AMOT: variants seen among roughly 807,000 people sequenced by gnomAD.
AMOT encodes the protein angiomotin.
In AMOT, 11 loss-of-function variants were observed where a neutral mutation model predicts 67.0. The ratio of observed to expected loss-of-function variants is 0.16; its 90% CI spans 0.10 to 0.27. The LOEUF is 0.27. Ranked by LOEUF, AMOT falls within the 10% of genes least tolerant of loss-of-function variation. AMOT has a pLI of 1.00. For synonymous variants in AMOT, 326 were observed against 321.4 expected (o/e 1.01, Z -0.15); for missense variants, 753 against 852.0 (o/e 0.88, Z 1.45).
chrX:112,812,199 C>T (rs945891848), intron 5 of AMOT, among the ~76,000 whole-genome samples: 3 of 111,697 alleles, frequency 2.7e-5, no homozygotes, highest in African/African-American at 3.3e-5. Flanking sequence ...ATCCTGAAAG[C>T]TGGGTCAGAT....
intron 4 of AMOT, among the ~76,000 whole-genome samples, chrX:112,821,300 G>A (rs1288363224): frequency 9.0e-6 from 1 of 111,378 alleles, no homozygotes; most frequent in East Asian, 2.8e-4. Flanking sequence ...ATTACTCATG[G>A]CCATGAGGCA....
chrX:112,822,138 T>G (rs1934730889), intron 4 of AMOT, 117 bp downstream of exon 4: 1 of 932,429 alleles, frequency 1.1e-6, no homozygotes, highest in African/African-American at 2.0e-5. Flanking sequence ...AGGCCTGTCA[T>G]GCATTGCAGA....
intron 8 of AMOT, 46 bp downstream of exon 8, chrX:112,804,901 C>A: frequency 1.1e-6 from 1 of 920,029 alleles, no homozygotes; most frequent in Non-Finnish European, 1.5e-6. Flanking sequence ...CCCGATTTCC[C>A]AGCCCTCCCA....
chrX:112,817,937 C>T (rs1471711388), intron 4 of AMOT, among the ~76,000 whole-genome samples: 2 of 111,331 alleles, frequency 1.8e-5, no homozygotes, highest in African/African-American at 6.5e-5. Flanking sequence ...AGACTAAGTG[C>T]TCTTTTTTCT....
At chrX:112,803,517 A>G (rs7881904) in intron 8 of AMOT, among the ~76,000 whole-genome samples, 3,058 of 112,296 alleles carry the variant, frequency 0.027, 123 homozygotes, top group African/African-American at 0.092. Context: ...GCATAGTTCT[A>G]ATATAGACAA....
Position 112,811,269 on chromosome X carries a change from T to G in AMOT, c.1517A>C (p.Asp506Ala). 1 of 1,210,820 alleles carries G rather than the reference T, an allele frequency of 8.3e-7. No individual in the cohort carries two copies. The highest frequency in any genetic ancestry group is 1.7e-5 in the African/African-American group (1 of 57,641). Residue 506 changes from aspartate (D) to alanine (A), a missense_variant, in exon 6 of 14, where the codon GAT (aspartate) becomes GCT (alanine). By Grantham distance (126) the Asp-to-Ala change is moderately radical. Coordinates refer to ENST00000371959, the MANE Select transcript of AMOT (RefSeq NM_001113490.2). ...CTCACCTCTCAGATCCCTGTTGAAA[T>G]CATGCATCCTCCGAATCTCGCCCTC... ...KLEGEIRRMH[D>A]FNRDLRERLE...
intron 6 of AMOT, among the ~76,000 whole-genome samples, chrX:112,810,592 G>A (rs781042014): frequency 4.3e-4 from 48 of 110,349 alleles, no homozygotes; most frequent in Admixed American, 6.8e-4. Context: ...GGTAATCCCA[G>A]CCAGCTACTC....
At chrX:112,829,273 C>A (rs759765234) in intron 2 of AMOT, among the ~76,000 whole-genome samples, 44 of 111,463 alleles carry the variant, frequency 3.9e-4, no homozygotes, top group African/African-American at 1.4e-3. Flanking sequence ...ATCATGGGGG[C>A]AGATCTTCTT....
chrX:112,829,657 T>C (rs938993223), intron 2 of AMOT, among the ~76,000 whole-genome samples: 1 of 112,635 alleles, frequency 8.9e-6, no homozygotes, highest in African/African-American at 3.2e-5. Flanking sequence ...GGCCTTGGCA[T>C]TTCCAAATCT....
intron 10 of AMOT, among the ~76,000 whole-genome samples, chrX:112,785,336 C>A: frequency 8.9e-6 from 1 of 111,927 alleles, no homozygotes; most frequent in South Asian, 3.8e-4. Context: ...TAGCATGTCA[C>A]CAATAAACTC....
At chrX:112,831,418 C>T (rs762545118) in intron 2 of AMOT, among the ~76,000 whole-genome samples, 1 of 107,669 alleles carries the variant, frequency 9.3e-6, no homozygotes, top group Admixed American at 1.0e-4. Context: ...TGTAGCCAGA[C>T]ATTGTGCTAG....
At chrX:112,783,453 CAACA>C (rs1933266453) in intron 10 of AMOT, among the ~76,000 whole-genome samples, 1 of 111,024 alleles carries the variant, frequency 9.0e-6, no homozygotes, top group South Asian at 3.8e-4. Flanking sequence ...TAGAAGCAAA[CAACA>C]GACACATCAG....
At chrX:112,816,136 C>A (rs1934551847) in intron 4 of AMOT, among the ~76,000 whole-genome samples, 1 of 111,920 alleles carries the variant, frequency 8.9e-6, no homozygotes, top group Non-Finnish European at 1.9e-5. Flanking sequence ...AACCAGACAA[C>A]TTCCATGGTC....
chrX:112,840,181 C>T (rs1314705717), intron 1 of AMOT, among the ~76,000 whole-genome samples: 4 of 111,151 alleles, frequency 3.6e-5, no homozygotes, highest in African/African-American at 1.3e-4. Flanking sequence ...CCCACAAGAA[C>T]CCCAGGAGGT....
Position 112,795,569 on chromosome X carries a change from A to C in AMOT, c.1777-3588T>G, listed in dbSNP as rs374137908. ...TACAATGGCAGAGTCGAACAGCTGA[A>C]GTTGCAACTGAAACTGCATGGCCCA... On this transcript the variant is annotated intron_variant, in intron 8 of 13. Transcript: ENST00000371959. Among the ~76,000 whole-genome samples the C allele has an allele frequency of 3.6e-5, 4 of 111,104 alleles. No homozygotes were observed. The East Asian group carries it at 8.5e-4, about 24-fold the overall frequency.
At chrX:112,791,143 T>C (rs1487159888) in intron 9 of AMOT, among the ~76,000 whole-genome samples, 1 of 108,802 alleles carries the variant, frequency 9.2e-6, no homozygotes, top group Non-Finnish European at 1.9e-5. Context: ...ACTTTGGGAG[T>C]CTGAGGCAGG....
chrX:112,811,264 T>C lies in AMOT; in HGVS notation c.1522A>G (p.Asn508Asp), dbSNP rs889651214. Residue 508 changes from asparagine to aspartate, a missense_variant, in exon 6 of 14, where the codon AAC (asparagine) becomes GAC (aspartate). Coordinates refer to ENST00000371959, the MANE Select transcript of AMOT (RefSeq NM_001113490.2). The stretch of plus-strand genomic sequence containing the variant: ...GTTCCCTCACCTCTCAGATCCCTGT[T>C]GAAATCATGCATCCTCCGAATCTCG... ...EGEIRRMHDF[N>D]RDLRERLETA... The C allele has an allele frequency of 2.2e-5, 27 of 1,209,292 alleles. No individual in the cohort carries two copies. Among genetic ancestry groups the C allele is most frequent in the Middle Eastern group, 4.6e-4 (2 of 4,349 alleles).
rs943753012 is a variant in AMOT at position 112,800,234 on chromosome X, G to GAATA, written c.1776+4709_1776+4712dup. Among the ~76,000 whole-genome samples, 11 of 107,590 alleles carry GAATA rather than the reference G, an allele frequency of 1.0e-4. No individual in the cohort carries two copies. The East Asian group carries it at 1.4e-3, about 14-fold the overall frequency. The allele number at this position is 107,590 out of a possible 115,157, so 93.4% of individuals were successfully genotyped here. On this transcript the variant is annotated intron_variant, in intron 8 of 13. Coordinates refer to ENST00000371959, the MANE Select transcript of AMOT (RefSeq NM_001113490.2). ...TGACAAAGCGAGACTGCATCTCAAT[G>GAATA]AATAAATAAATAAATAAATAAAAAA...
chrX:112,809,740 C>T (rs1243679990), intron 7 of AMOT, among the ~76,000 whole-genome samples, 154 bp downstream of exon 7: 3 of 111,242 alleles, frequency 2.7e-5, no homozygotes, highest in South Asian at 7.5e-4. Context: ...AGAACAGAAT[C>T]TTCCAACTTC....
Sources: gnomAD v4.1 joint callset for allele counts (sites outside exome capture counted in the v4.1 genomes callset) on GRCh38, gnomAD v4.1.1 for gene constraint, MANE v1.5 for transcripts, NCBI Gene and HGNC (gene_info 2026-07-23, HGNC 2026-07-21) for gene names.